The following SYMPK variants were observed in gnomAD, a reference collection of about 807,000 sequenced individuals.
The protein encoded by SYMPK is symplekin.
In SYMPK, 49 loss-of-function variants were observed where a neutral mutation model predicts 136.4. That is an observed-to-expected ratio of 0.36 (90% CI 0.29 to 0.46). The LOEUF (loss-of-function observed/expected upper bound fraction) is 0.46, where lower values mean the gene tolerates loss of function less well. Among genes scored for constraint, SYMPK ranks in the 20% least tolerant of loss-of-function variants. The pLI, the probability that SYMPK is intolerant of heterozygous loss-of-function variation, is 1.00. For missense variants in SYMPK, 1,365 were observed against 1,690.0 expected (o/e 0.81, Z 3.37); for synonymous variants, 766 against 713.0 (o/e 1.07, Z -1.19).
In SYMPK at chr19:45,815,519, C is replaced by A. The variant is rs768395193; in HGVS notation, c.*41G>T. ...GGTCAAGCCCCGCCCCGTCCCCCAG[C>A]CCCGAGTCCCTGTCCCACCCCCTTT... On this transcript the variant is annotated 3_prime_UTR_variant, in exon 27 of 27. Coordinates refer to ENST00000245934, the MANE Select transcript of SYMPK (RefSeq NM_004819.3). The A allele has an allele frequency of 3.7e-6, 5 of 1,345,542 alleles. No homozygotes were observed. The highest frequency in any genetic ancestry group is 2.9e-5 in the South Asian group (2 of 68,380). 83.4% of individuals were successfully genotyped at this position (1,345,542 alleles called of 1,614,324 possible).
chr19:45,818,839 A>C (rs1408530323), intron 22 of SYMPK: 2 of 152,296 alleles, frequency 1.3e-5, no homozygotes, highest in Non-Finnish European at 2.9e-5. Context: ...GCCATGCCCC[A>C]ATCCACAGTG....
intron 12 of SYMPK, 83 bp downstream of exon 12, chr19:45,831,297 ACACG>A (rs1568614411): frequency 1.6e-4 from 179 of 1,097,526 alleles, no homozygotes; most frequent in African/African-American, 3.5e-4. Context: ...ACACACACGC[ACACG>A]CACACGCACA....
At position 45,842,366 on chromosome 19, in the gene SYMPK, AG is replaced by A; in HGVS notation, c.970del (p.Leu324CysfsTer37). 1 of 1,614,176 alleles carries A rather than the reference AG, an allele frequency of 6.2e-7. No individual in the cohort carries two copies. Among genetic ancestry groups the A allele is most frequent in the East Asian group, 2.2e-5 (1 of 44,884 alleles). ...SLEFQAQITT[L>X]LVDLGTPQAE... ...CTGAGGTGTGCCCAGGTCCACCAGC[AG>A]GGTGGTGATCTGGGCCTGGAACTCC... is the stretch of plus-strand genomic sequence containing the variant. On this transcript the variant is annotated frameshift_variant, in exon 9 of 27. Coordinates refer to ENST00000245934, the MANE Select transcript of SYMPK (RefSeq NM_004819.3). LOFTEE classifies it high-confidence loss of function.
chr19:45,825,350 G>C lies in SYMPK; in HGVS notation c.2330-19C>G. 1 of 1,610,288 alleles carries C rather than the reference G, an allele frequency of 6.2e-7. No homozygotes were observed. Among genetic ancestry groups the C allele is most frequent in the South Asian group, 1.1e-5 (1 of 90,574 alleles). On this transcript the variant is annotated intron_variant, in intron 17 of 26. Coordinates refer to ENST00000245934, the MANE Select transcript of SYMPK (RefSeq NM_004819.3). ...GCCACCTCTGACAGGGCAGGAGCGG[G>C]CATCAGATTGGCCCACACTCTTCTC...
chr19:45,857,659 T>C (rs140035132), intron 1 of SYMPK, among the ~76,000 whole-genome samples: 33,523 of 150,572 alleles, frequency 0.22, 4,015 homozygotes, highest in South Asian at 0.26. Flanking sequence ...GCCCGGCTAA[T>C]TTTTTGTATT....
intron 8 of SYMPK, chr19:45,842,696 G>A: frequency 3.3e-6 from 2 of 610,356 alleles, no homozygotes; most frequent in Middle Eastern, 4.4e-4. Flanking sequence ...CAATCTTAAA[G>A]AGAAAAACTC....
chr19:45,841,127 G>T (rs1971424906), intron 9 of SYMPK, among the ~76,000 whole-genome samples: 1 of 151,792 alleles, frequency 6.6e-6, no homozygotes, highest in Admixed American at 6.6e-5. Context: ...GCAACTACAG[G>T]TGTGCACCAC....
Position 45,821,134 on chromosome 19 carries a change from A to G in SYMPK, c.2893+250T>C. ...CTCTGTGCCAGGGCACAGCAGGTACATCAGAGGCAGAAAAAGGTGGGTTGT... is the reference window on the plus strand; with the variant it reads ...CTCTGTGCCAGGGCACAGCAGGTACGTCAGAGGCAGAAAAAGGTGGGTTGT... On this transcript the variant is annotated intron_variant, in intron 22 of 26. Transcript: ENST00000245934. This position sits in a 1 kb window ranked among gnomAD's most constrained non-coding sequence, Gnocchi z 4.4. 1 of 687,334 alleles carries G rather than the reference A, an allele frequency of 1.5e-6. No homozygotes were observed. 42.6% of individuals were successfully genotyped at this position (687,334 alleles called of 1,614,324 possible). A position where few individuals can be genotyped will look rare whatever the true frequency, so the allele number is the denominator to read the frequency against.
intron 8 of SYMPK, 190 bp from the exon 9 acceptor site, chr19:45,842,679 T>C: frequency 1.5e-6 from 1 of 669,970 alleles, no homozygotes. Flanking sequence ...TCTCCATCAG[T>C]ATCAGTCAAT....
intron 17 of SYMPK, among the ~76,000 whole-genome samples, chr19:45,825,539 T>C (rs1409935300): frequency 2.6e-5 from 4 of 151,912 alleles, no homozygotes; most frequent in Non-Finnish European, 5.9e-5. Flanking sequence ...ACAAGGCAAC[T>C]AGAAGGATCT....
At chr19:45,831,163 A>T in intron 12 of SYMPK, 1 of 369,316 alleles carries the variant, frequency 2.7e-6, no homozygotes, top group Non-Finnish European at 4.6e-6. Flanking sequence ...TTAGACATAA[A>T]AAAGGATTTT....
intron 10 of SYMPK, among the ~76,000 whole-genome samples, chr19:45,837,379 A>G (rs553174926): frequency 7.9e-4 from 121 of 152,250 alleles, no homozygotes; most frequent in African/African-American, 2.9e-3. Context: ...GCACTTTGGG[A>G]GGCCATGGTG....
At position 45,831,410 on chromosome 19, in the gene SYMPK, C is replaced by A; in HGVS notation, c.1572G>T (p.Glu524Asp). The A allele has an allele frequency of 6.3e-7, 1 of 1,590,082 alleles. No homozygotes were observed. Residue 524 changes from glutamate (E) to aspartate (D), a missense_variant, in exon 12 of 27, where the codon GAG becomes GAT. By Grantham distance (45) the Glu-to-Asp change is conservative. Around this residue, in one of 11 missense-constraint regions of SYMPK, gnomAD observed 303 missense variants for 326.6 expected, o/e 0.93. Transcript: ENST00000245934. Reference sequence around the variant, plus strand: ...GGGGCTGAGTGACAGGGATAATGGGCTCTGGCCTCCTCTTGGCCTGCGGTG... The same window carrying A: ...GGGGCTGAGTGACAGGGATAATGGGATCTGGCCTCCTCTTGGCCTGCGGTG... ...EEAPQAKRRP[E>D]PIIPVTQPRL...
intron 1 of SYMPK, among the ~76,000 whole-genome samples, chr19:45,860,737 G>A (rs1484488007): frequency 6.6e-6 from 1 of 152,050 alleles, no homozygotes; most frequent in Non-Finnish European, 1.5e-5. Flanking sequence ...TCTGCCTCCC[G>A]GGCTCAGGCG....
At chr19:45,842,681 T>G in intron 8 of SYMPK, 192 bp from the exon 9 acceptor site, 1 of 663,772 alleles carries the variant, frequency 1.5e-6, no homozygotes, top group Non-Finnish European at 2.5e-6. Flanking sequence ...TCCATCAGTA[T>G]CAGTCAATCT....
rs776588460 is a variant in SYMPK, at chr19:45,827,592, C to T, written c.2099G>A (p.Arg700Gln). The T allele has an allele frequency of 3.5e-5, 57 of 1,614,002 alleles. No homozygotes were observed. The highest frequency in any genetic ancestry group is 5.0e-5 in the Admixed American group (3 of 59,988). The change falls in exon 16 of 27, where the codon CGA becomes CAA. Residue 700 changes from arginine (R) to glutamine (Q), a missense_variant. Around this residue, in one of 11 missense-constraint regions of SYMPK, gnomAD observed 303 missense variants for 326.6 expected, o/e 0.93. Coordinates refer to ENST00000245934, the MANE Select transcript of SYMPK (RefSeq NM_004819.3). ...GGACGGGCGCTTGAAGATCAGGTCT[C>T]GAAGTGTGGACATGCCCAGATAGGT... ...SRTYLGMSTL[R>Q]DLIFKRPSRQ...
At chr19:45,826,453 T>A in intron 16 of SYMPK, 80 bp from the exon 17 acceptor site, 1 of 1,501,264 alleles carries the variant, frequency 6.7e-7, no homozygotes, top group Non-Finnish European at 9.2e-7. Flanking sequence ...ATGGCAACAC[T>A]CACGTGAAAA....
At chr19:45,858,795 A>G (rs953475658) in intron 1 of SYMPK, among the ~76,000 whole-genome samples, 1 of 151,842 alleles carries the variant, frequency 6.6e-6, no homozygotes, top group African/African-American at 2.4e-5. Flanking sequence ...GATTACAGGC[A>G]TGAGCCACCG....
chr19:45,823,051 GCCC>G (rs1568609117), intron 20 of SYMPK, among the ~76,000 whole-genome samples: 1 of 152,302 alleles, frequency 6.6e-6, no homozygotes, highest in African/African-American at 2.4e-5. Flanking sequence ...ACATGTGTGT[GCCC>G]CCAAGAGGCA....
Sources: allele counts gnomAD v4.1 joint callset (sites outside exome capture counted in the v4.1 genomes callset), GRCh38; gene constraint gnomAD v4.1.1; regional missense constraint gnomAD v4.1.1; non-coding constraint Gnocchi (gnomAD v3.1); transcripts MANE v1.5; gene names NCBI Gene and HGNC (gene_info 2026-07-23, HGNC 2026-07-21).